CCNY: variants seen among roughly 807,000 people sequenced by gnomAD.
CCNY encodes cyclin Y.
In CCNY, 19 loss-of-function variants were observed where a neutral mutation model predicts 42.8. That is an observed-to-expected ratio of 0.44 (90% CI 0.31 to 0.65). The LOEUF (loss-of-function observed/expected upper bound fraction) is 0.65, where lower values mean the gene tolerates loss of function less well. Ranked by LOEUF, CCNY falls within the 30% of genes least tolerant of loss-of-function variation. CCNY has a pLI of 0.07. For missense variants in CCNY, 370 were observed against 437.3 expected, an observed-to-expected ratio of 0.85 and a Z score of 1.37; for synonymous variants, 165 against 162.7, an observed-to-expected ratio of 1.01 and a Z score of -0.11.
intron 8 of CCNY, among the ~76,000 whole-genome samples, chr10:35,564,713 G>A (rs1462401608): frequency 1.3e-5 from 2 of 152,200 alleles, no homozygotes; most frequent in Admixed American, 1.3e-4. Flanking sequence ...TTGGCTGCCT[G>A]CAGCAGGTTG....
At chr10:35,338,636 G>A (rs114880782) in intron 1 of CCNY, among the ~76,000 whole-genome samples, 1 of 152,094 alleles carries the variant, frequency 6.6e-6, no homozygotes, top group South Asian at 2.1e-4. Flanking sequence ...TACTTTAAAG[G>A]GAGGAATAAA....
At chr10:35,443,678 C>T (rs1009602026) in intron 1 of CCNY, among the ~76,000 whole-genome samples, 12 of 152,138 alleles carry the variant, frequency 7.9e-5, no homozygotes, top group African/African-American at 2.7e-4. Context: ...ATCTGCTAGC[C>T]GTAATAAAGA....
intron 7 of CCNY, among the ~76,000 whole-genome samples, chr10:35,537,371 T>C (rs1423151460): frequency 6.6e-6 from 1 of 152,198 alleles, no homozygotes; most frequent in Non-Finnish European, 1.5e-5. Flanking sequence ...GAGTCCCTGC[T>C]GGGGCACTGC....
intron 3 of CCNY, among the ~76,000 whole-genome samples, chr10:35,274,178 A>G (rs1367283975): frequency 6.6e-6 from 1 of 152,182 alleles, no homozygotes; most frequent in Non-Finnish European, 1.5e-5. Context: ...GGCACGTCTT[A>G]CATGGTGGCA....
intron 3 of CCNY, among the ~76,000 whole-genome samples, chr10:35,260,608 C>A (rs1199468223): frequency 6.6e-6 from 1 of 152,166 alleles, no homozygotes; most frequent in Non-Finnish European, 1.5e-5. Flanking sequence ...GCGCCTGTGC[C>A]CCATCTGAGG....
intron 1 of CCNY, among the ~76,000 whole-genome samples, chr10:35,418,522 C>T (rs1251361106): frequency 6.6e-6 from 1 of 152,174 alleles, no homozygotes; most frequent in East Asian, 1.9e-4. Context: ...GTCCTCTTGT[C>T]CACAGGCCCT....
chr10:35,290,925 G>T (rs1231165111), intron 3 of CCNY, among the ~76,000 whole-genome samples: 2 of 151,900 alleles, frequency 1.3e-5, no homozygotes, highest in East Asian at 1.9e-4. Context: ...AACCTTTCCA[G>T]CCCTGGGCAC....
At chr10:35,505,314 G>A (rs1426270819) in intron 3 of CCNY, among the ~76,000 whole-genome samples, 1 of 151,598 alleles carries the variant, frequency 6.6e-6, no homozygotes, top group Non-Finnish European at 1.5e-5. Flanking sequence ...TGAATGAGGA[G>A]TTGAATAGCC....
chr10:35,518,165 A>G (rs1395683274), intron 4 of CCNY, among the ~76,000 whole-genome samples: 1 of 152,222 alleles, frequency 6.6e-6, no homozygotes, highest in African/African-American at 2.4e-5. Flanking sequence ...TGGCTGTGAC[A>G]CAGACACTTA....
chr10:35,473,006 A>C (rs1839420999), intron 1 of CCNY, among the ~76,000 whole-genome samples: 1 of 152,236 alleles, frequency 6.6e-6, no homozygotes, highest in Admixed American at 6.5e-5. Flanking sequence ...GGAAAAAAAA[A>C]GCAATATTTA....
At chr10:35,513,109 A>G (rs961875542) in intron 3 of CCNY, among the ~76,000 whole-genome samples, 1 of 152,174 alleles carries the variant, frequency 6.6e-6, no homozygotes, top group Non-Finnish European at 1.5e-5. Flanking sequence ...ATGGACCTTG[A>G]TGTAAATCAT....
At chr10:35,271,543 ATT>A (rs2135043832) in intron 3 of CCNY, among the ~76,000 whole-genome samples, 1 of 152,250 alleles carries the variant, frequency 6.6e-6, no homozygotes, top group Admixed American at 6.5e-5. Flanking sequence ...AGGAGAAACT[ATT>A]TTACCAGAGC....
At chr10:35,276,376 G>A (rs1487696136) in intron 3 of CCNY, among the ~76,000 whole-genome samples, 2 of 151,930 alleles carry the variant, frequency 1.3e-5, no homozygotes, top group African/African-American at 4.8e-5. Context: ...CCCAGTTCTT[G>A]GTTTTTATTT....
At chr10:35,448,092 C>T (rs1473407098) in intron 1 of CCNY, among the ~76,000 whole-genome samples, 1 of 152,174 alleles carries the variant, frequency 6.6e-6, no homozygotes, top group Non-Finnish European at 1.5e-5. Context: ...CTGTGGGAAC[C>T]AGCGGCTCGC....
chr10:35,258,327 G>A (rs1211297341), intron 3 of CCNY, among the ~76,000 whole-genome samples: 1 of 152,184 alleles, frequency 6.6e-6, no homozygotes, highest in Non-Finnish European at 1.5e-5. Context: ...CTGAGCCTGT[G>A]CCTTTCCCTG....
chr10:35,568,773 C>T (rs923877340), intron 9 of CCNY, among the ~76,000 whole-genome samples: 4 of 152,228 alleles, frequency 2.6e-5, no homozygotes, highest in Admixed American at 1.3e-4. Flanking sequence ...AGATGGGGAG[C>T]CAGCGTTGAC....
rs190119118 is a variant in CCNY, at chr10:35,415,878, G to A, written c.155-67526G>A. ...GTGGGCCGAGCAGGTGGCAGTGCCC[G>A]CTCTGACTGCACAGATCGACAGAGA... On this transcript the variant is annotated intron_variant, in intron 1 of 9. Coordinates refer to ENST00000374704, the MANE Select transcript of CCNY (RefSeq NM_145012.6). Among the ~76,000 whole-genome samples, 318 of 152,310 alleles carry A rather than the reference G, an allele frequency of 2.1e-3. 2 individuals are homozygous for A. Among genetic ancestry groups the A allele is most frequent in the Non-Finnish European group, 3.5e-3 (240 of 68,034 alleles).
At chr10:35,348,981 A>G (rs1362207904) in intron 1 of CCNY, among the ~76,000 whole-genome samples, 1 of 152,002 alleles carries the variant, frequency 6.6e-6, no homozygotes, top group Non-Finnish European at 1.5e-5. Flanking sequence ...AACAACACTA[A>G]CTTGAACTGT....
chr10:35,264,927 C>G lies in CCNY; in HGVS notation c.-9+14301C>G, dbSNP rs151128098. ...TACAGGCCTGAGCCACCGCGCCCGG[C>G]CTTTTGCCCAGTTTTTAGTGGTGGT... On this transcript the variant is annotated intron_variant, in intron 3 of 11. Coordinates refer to the CCNY transcript ENST00000374706. Among the ~76,000 whole-genome samples the G allele has an allele frequency of 4.3e-4, 66 of 152,064 alleles. 3 individuals carry two copies. The East Asian group carries it at 0.01, about 24-fold the overall frequency.
Sources: allele counts gnomAD v4.1 joint callset (sites outside exome capture counted in the v4.1 genomes callset), GRCh38; gene constraint gnomAD v4.1.1; transcripts MANE v1.5; gene names NCBI Gene and HGNC (gene_info 2026-07-23, HGNC 2026-07-21).